IL21R: variants seen among roughly 807,000 people sequenced by gnomAD.
The protein encoded by IL21R is interleukin 21 receptor.
Under a neutral mutation model 41.3 loss-of-function variants are expected in IL21R, and 14 were observed. The observed-to-expected ratio is 0.34, with a 90% CI of 0.22 to 0.53. The LOEUF (loss-of-function observed/expected upper bound fraction) is 0.53, where lower values mean the gene tolerates loss of function less well. IL21R is among the 20% of genes least tolerant of loss of function. IL21R has a pLI of 0.94. For synonymous variants in IL21R, 286 were observed against 287.6 expected (o/e 0.99, Z 0.05); for missense variants, 588 against 681.6 (o/e 0.86, Z 1.53).
chr16:27,408,969 C>T (rs1259815822), intron 1 of IL21R, among the ~76,000 whole-genome samples: 1 of 152,070 alleles, frequency 6.6e-6, no homozygotes, highest in African/African-American at 2.4e-5. Flanking sequence ...TGGTACATGT[C>T]TGCTTGGGCA....
chr16:27,450,624 G>A lies in IL21R; in HGVS notation c.*1341G>A, dbSNP rs2087578463. On this transcript the variant is annotated 3_prime_UTR_variant, in exon 9 of 9. Transcript: ENST00000337929. ...TTTGAGACAGAGTCTCACTCTCGTC[G>A]CCCAGGCTGGAATGCAGTGGTGCGA... is the stretch of plus-strand genomic sequence containing the variant. The A allele has an allele frequency of 1.4e-5, 3 of 211,102 alleles. No homozygotes were observed. The highest frequency in any genetic ancestry group is 1.5e-3 in the Middle Eastern group (1 of 682). 13.1% of individuals were successfully genotyped at this position (211,102 alleles called of 1,614,324 possible).
chr16:27,446,416 A>G (rs2087479796), intron 8 of IL21R, among the ~76,000 whole-genome samples: 3 of 151,944 alleles, frequency 2.0e-5, no homozygotes. Flanking sequence ...GACCCTCACC[A>G]CCACTCCGCC....
In IL21R at chr16:27,434,430, A is replaced by G. The variant is rs1307218535; in HGVS notation, c.133A>G (p.Ser45Gly). Residue 45 changes from serine (S) to glycine (G), a missense_variant, in exon 3 of 9, where the codon AGC (serine) becomes GGC (glycine). By Grantham distance (56) the Ser-to-Gly change is moderately conservative. Coordinates refer to ENST00000337929, the MANE Select transcript of IL21R (RefSeq NM_181078.3). ...CILEMWNLHP[S>G]TLTLTWQDQY... ...CCTGGAAATGTGGAACCTCCACCCC[A>G]GCACGCTCACCCTTACCTGGTAAGT... 8.1e-6 allele frequency: 13 copies of G among 1,612,802 alleles called. No homozygotes were observed. The highest frequency in any genetic ancestry group is 1.7e-5 in the Admixed American group (1 of 59,996).
chr16:27,438,001 C>T (rs1357183385), intron 4 of IL21R, among the ~76,000 whole-genome samples: 1 of 152,170 alleles, frequency 6.6e-6, no homozygotes, highest in African/African-American at 2.4e-5. Flanking sequence ...TCCATCAGAT[C>T]TGACCTGGCC....
intron 1 of IL21R, among the ~76,000 whole-genome samples, chr16:27,425,221 T>G (rs1000730129): frequency 6.6e-6 from 1 of 152,172 alleles, no homozygotes; most frequent in Non-Finnish European, 1.5e-5. Context: ...GGTGGCCCGA[T>G]CTGTATCTGA....
chr16:27,404,662 TGCGGTTAGATGG>T (rs2086710344), intron 1 of IL21R, among the ~76,000 whole-genome samples: 1 of 152,168 alleles, frequency 6.6e-6, no homozygotes, highest in Non-Finnish European at 1.5e-5. Context: ...AAGGGGTGCC[TGCGGTTAGATGG>T]GGGAACTGGA....
rs551941326 is a variant in IL21R, at chr16:27,434,234, C to T, written c.50-113C>T. On this transcript the variant is annotated intron_variant, in intron 2 of 8. Coordinates refer to ENST00000337929, the MANE Select transcript of IL21R (RefSeq NM_181078.3). ...AGCTCCTGAGTCCTCATATTTGTCC[C>T]GGCCTGGGGACCCCTGCACCCATTC... 6.2e-5 allele frequency: 42 copies of T among 680,984 alleles called. No individual in the cohort carries two copies. In the East Asian group the frequency reaches 8.0e-4, roughly 13 times the overall value. 42.2% of individuals were successfully genotyped at this position (680,984 alleles called of 1,614,324 possible).
Position 27,445,352 on chromosome 16 carries a change from G to A in IL21R, c.785+76G>A, listed in dbSNP as rs574364482. 3.9e-4 allele frequency: 350 copies of A among 904,836 alleles called. 2 individuals are homozygous for A. The South Asian group carries it at 4.5e-3, about 12-fold the overall frequency. The allele number at this position is 904,836 out of a possible 1,614,324, so 56.1% of individuals were successfully genotyped here. On this transcript the variant is annotated intron_variant, in intron 7 of 8. Transcript: ENST00000337929. ...CCCCTGTATGATACATGCAGGGTTGGAAAACATGACTGTCATCATGGTAAC... is the reference window on the plus strand; with the variant it reads ...CCCCTGTATGATACATGCAGGGTTGAAAAACATGACTGTCATCATGGTAAC...
At chr16:27,447,902 T>C (rs981053811) in intron 8 of IL21R, 26 of 152,272 alleles carry the variant, frequency 1.7e-4, no homozygotes, top group African/African-American at 6.3e-4. Flanking sequence ...GACTCAGGAA[T>C]CTTGGTCCCT....
In IL21R at chr16:27,449,617, G is replaced by T. The variant is rs944886717; in HGVS notation, c.*334G>T. On this transcript the variant is annotated 3_prime_UTR_variant, in exon 9 of 9. Transcript: ENST00000337929. The stretch of plus-strand genomic sequence containing the variant: ...GGAGCTCACCCATGTGCACAAGTGT[G>T]CACAGTAAACGTGTTTGTGGTCAAC... 1.9e-5 allele frequency: 7 copies of T among 370,150 alleles called. No homozygotes were observed. In the East Asian group the frequency reaches 3.0e-4, roughly 16 times the overall value. 22.9% of individuals were successfully genotyped at this position (370,150 alleles called of 1,614,324 possible).
At position 27,449,288 on chromosome 16, in the gene IL21R, G is replaced by C. The variant is rs920321683; in HGVS notation, c.*5G>C. ...CCTGGACCCCAGGCCAGCTAATGAG[G>C]CTGACTGGATGTCCAGAGCTGGCCA... On this transcript the variant is annotated 3_prime_UTR_variant, in exon 9 of 9. Transcript: ENST00000337929. 15 of 1,584,416 alleles carry C rather than the reference G, an allele frequency of 9.5e-6. No homozygotes were observed. Among genetic ancestry groups the C allele is most frequent in the Non-Finnish European group, 1.3e-5 (15 of 1,165,752 alleles).
At position 27,451,213 on chromosome 16, in the gene IL21R, G is replaced by A. The variant is rs888722395; in HGVS notation, c.*1930G>A. 1 of 231,256 alleles carries A rather than the reference G, an allele frequency of 4.3e-6. No individual in the cohort carries two copies. The highest frequency in any genetic ancestry group is 8.6e-6 in the Non-Finnish European group (1 of 116,880). The allele number at this position is 231,256 out of a possible 1,614,324, so 14.3% of individuals were successfully genotyped here. On this transcript the variant is annotated 3_prime_UTR_variant, in exon 9 of 9. Transcript: ENST00000337929. ...CCTTCTTGGGGGCAACAGGTTCCAG[G>A]AGCCACCTGTGGGTGCCACCTGAGC... is the stretch of plus-strand genomic sequence containing the variant.
Position 27,448,823 on chromosome 16 carries a change from G to A in IL21R, c.1157G>A (p.Gly386Glu). ...ACAGTGACTGTGCTAGATGCAGAGG[G>A]GCCATGCACCTGGCCCTGCAGCTGT... ...IDTVTVLDAE[G>E]PCTWPCSCED... The change falls in exon 9 of 9, where the codon GGG becomes GAG. Residue 386 changes from glycine (G) to glutamate (E), a missense_variant. Gly to Glu is a moderately conservative substitution (Grantham distance 98). Coordinates refer to ENST00000337929, the MANE Select transcript of IL21R (RefSeq NM_181078.3). 1 of 1,613,364 alleles carries A rather than the reference G, an allele frequency of 6.2e-7. No homozygotes were observed. The highest frequency in any genetic ancestry group is 8.5e-7 in the Non-Finnish European group (1 of 1,180,022).
intron 5 of IL21R, 49 bp from the exon 6 acceptor site, chr16:27,444,493 C>T (rs879815957): frequency 5.2e-6 from 7 of 1,345,942 alleles, no homozygotes; most frequent in Non-Finnish European, 6.9e-6. Flanking sequence ...GAGGCAGGGG[C>T]TGGCCTGGTT....
chr16:27,421,114 A>G lies in IL21R; in HGVS notation c.-16-8942A>G, dbSNP rs1328548918. On this transcript the variant is annotated intron_variant, in intron 1 of 8. Coordinates refer to ENST00000337929, the MANE Select transcript of IL21R (RefSeq NM_181078.3). The stretch of plus-strand genomic sequence containing the variant: ...TGGCACCCTCATCAAGAATCGGTTA[A>G]ACATAAATATATGCACTTCTTTCTG... Among the ~76,000 whole-genome samples the G allele has an allele frequency of 2.0e-5, 3 of 152,102 alleles. No homozygotes were observed. In the East Asian group the frequency reaches 5.8e-4, roughly 29 times the overall value.
intron 1 of IL21R, among the ~76,000 whole-genome samples, chr16:27,417,590 C>T (rs187776479): frequency 3.3e-5 from 5 of 152,224 alleles, no homozygotes; most frequent in Non-Finnish European, 5.9e-5. Context: ...ATTGTGTGAA[C>T]GTCATAGAGT....
At chr16:27,446,776 C>CG (rs2087488175) in intron 8 of IL21R, among the ~76,000 whole-genome samples, 1 of 152,066 alleles carries the variant, frequency 6.6e-6, no homozygotes. Flanking sequence ...GCCTGGCCCA[C>CG]GGGGCAAAAC....
chr16:27,418,171 G>A (rs1435246446), intron 1 of IL21R, among the ~76,000 whole-genome samples: 3 of 151,476 alleles, frequency 2.0e-5, no homozygotes, highest in East Asian at 3.9e-4. Flanking sequence ...CCGGGTTCAC[G>A]CCATTCTCCT....
rs191119638 is a variant in IL21R, at chr16:27,420,261, T to C, written c.-16-9795T>C. 4.3e-4 allele frequency among the ~76,000 whole-genome samples: 65 copies of C among 152,332 alleles called. 2 individuals carry two copies. Among genetic ancestry groups the C allele is most frequent in the African/African-American group, 1.5e-3 (63 of 41,572 alleles). Reference sequence around the variant, plus strand: ...TTCCACCAGCATCATCACAAGCCCATGAGTAAAGTGTTGTGTCATGACGTC... The same window carrying C: ...TTCCACCAGCATCATCACAAGCCCACGAGTAAAGTGTTGTGTCATGACGTC... On this transcript the variant is annotated intron_variant, in intron 1 of 8. Transcript: ENST00000337929.
Sources: allele counts gnomAD v4.1 joint callset (sites outside exome capture counted in the v4.1 genomes callset), GRCh38; gene constraint gnomAD v4.1.1; transcripts MANE v1.5; gene names NCBI Gene and HGNC (gene_info 2026-07-23, HGNC 2026-07-21).